The following KIAA1671 variants were observed in gnomAD, a reference collection of about 807,000 sequenced individuals.
KIAA1671 encodes uncharacterized protein KIAA1671.
In KIAA1671, 52 loss-of-function variants were observed where a neutral mutation model predicts 131.2. The observed-to-expected ratio is 0.40, with a 90% CI of 0.32 to 0.50. The LOEUF (loss-of-function observed/expected upper bound fraction) is 0.50, where lower values mean the gene tolerates loss of function less well. Ranked by LOEUF, KIAA1671 falls within the 20% of genes least tolerant of loss-of-function variation. The probability of loss-of-function intolerance (pLI) is 0.73; values close to 1 mark genes in which losing one functional copy is unlikely to be tolerated. For missense variants in KIAA1671, 2,360 were observed against 2,364.2 expected (o/e 1.00, Z 0.04); for synonymous variants, 1,003 against 961.6 (o/e 1.04, Z -0.80).
rs1924280750 is a variant in KIAA1671, at chr22:24,998,790, G to GT, written c.-207-26842dup. 3.3e-5 allele frequency among the ~76,000 whole-genome samples: 5 copies of GT among 149,414 alleles called. No homozygotes were observed. The South Asian group carries it at 8.5e-4, about 25-fold the overall frequency. On this transcript the variant is annotated intron_variant, in intron 1 of 12. Coordinates refer to ENST00000358431, the MANE Select transcript of KIAA1671 (RefSeq NM_001145206.2). ...TCACCTATTGTAAAGTTTAAAAACTGTAAGTGGAACCATCACAAATGAAAC... is the reference window on the plus strand; with the variant it reads ...TCACCTATTGTAAAGTTTAAAAACTGTTAAGTGGAACCATCACAAATGAAAC...
At chr22:24,958,028 C>T (rs1416037074) in intron 1 of KIAA1671, among the ~76,000 whole-genome samples, 1 of 148,646 alleles carries the variant, frequency 6.7e-6, no homozygotes, top group African/African-American at 2.5e-5. Context: ...TTTTTGAGAC[C>T]CTCGACTTTA....
chr22:25,025,274 TA>T (rs1925882449), intron 1 of KIAA1671, among the ~76,000 whole-genome samples: 1 of 152,108 alleles, frequency 6.6e-6, no homozygotes, highest in African/African-American at 2.4e-5. Flanking sequence ...ATCCTGCATT[TA>T]AAAAGTGACA....
chr22:25,124,874 A>T (rs2145934280), intron 6 of KIAA1671, among the ~76,000 whole-genome samples: 1 of 152,206 alleles, frequency 6.6e-6, no homozygotes, highest in Non-Finnish European at 1.5e-5. Flanking sequence ...CTCCCATCTC[A>T]GCCTCCCCAC....
At chr22:24,959,411 T>C (rs1316341022) in intron 1 of KIAA1671, among the ~76,000 whole-genome samples, 1 of 151,894 alleles carries the variant, frequency 6.6e-6, no homozygotes, top group Non-Finnish European at 1.5e-5. Flanking sequence ...TAATCCCAGC[T>C]ATTCAGGAGG....
rs368372327 is a variant in KIAA1671 at position 25,147,918 on chromosome 22, G to A, written c.4531-22902G>A. Among the ~76,000 whole-genome samples the A allele has an allele frequency of 3.0e-4, 46 of 152,092 alleles. 1 individual carries two copies. The Middle Eastern group carries it at 0.014, about 45-fold the overall frequency. On this transcript the variant is annotated intron_variant, in intron 6 of 12. Coordinates refer to ENST00000358431, the MANE Select transcript of KIAA1671 (RefSeq NM_001145206.2). Reference sequence around the variant, plus strand: ...TGAAGACATTGACACTTGGCATCTTGGTACCTTTATATTATCTGGATTCTA... The same window carrying A: ...TGAAGACATTGACACTTGGCATCTTAGTACCTTTATATTATCTGGATTCTA...
intron 6 of KIAA1671, among the ~76,000 whole-genome samples, chr22:25,129,361 G>A (rs1932327572): frequency 6.6e-6 from 1 of 152,014 alleles, no homozygotes; most frequent in Non-Finnish European, 1.5e-5. Context: ...ACAAAAATTA[G>A]CTGGGCATGG....
At chr22:25,171,993 G>C (rs796591489) in intron 7 of KIAA1671, among the ~76,000 whole-genome samples, 5 of 152,266 alleles carry the variant, frequency 3.3e-5, no homozygotes, top group African/African-American at 1.2e-4. Flanking sequence ...GTTGGCAGGA[G>C]GGTGATAGAA....
chr22:24,979,641 G>T (rs961443959), intron 1 of KIAA1671, among the ~76,000 whole-genome samples: 1 of 152,002 alleles, frequency 6.6e-6, no homozygotes, highest in East Asian at 1.9e-4. Flanking sequence ...GAGCCACCGC[G>T]CCCGGCCAAT....
chr22:25,117,928 C>T (rs1232767498), intron 6 of KIAA1671, among the ~76,000 whole-genome samples: 1 of 151,896 alleles, frequency 6.6e-6, no homozygotes, highest in African/African-American at 2.4e-5. Flanking sequence ...CACCTGAGAT[C>T]GGGAGTTCAA....
At chr22:25,189,867 C>T (rs1934611988) in intron 11 of KIAA1671, among the ~76,000 whole-genome samples, 1 of 152,160 alleles carries the variant, frequency 6.6e-6, no homozygotes, top group Non-Finnish European at 1.5e-5. Context: ...CTGCCTCTGC[C>T]TCCCTAAGTG....
chr22:25,036,644 C>T (rs967966300), intron 4 of KIAA1671, among the ~76,000 whole-genome samples: 27 of 151,976 alleles, frequency 1.8e-4, no homozygotes, highest in Non-Finnish European at 3.4e-4. Flanking sequence ...TTTGGCCGGG[C>T]GTGGTGGCTC....
intron 6 of KIAA1671, among the ~76,000 whole-genome samples, chr22:25,113,389 C>T (rs1461604464): frequency 3.9e-5 from 6 of 152,244 alleles, no homozygotes; most frequent in Non-Finnish European, 2.9e-5. Context: ...GAGACTTCTG[C>T]CACCTGACTG....
intron 1 of KIAA1671, among the ~76,000 whole-genome samples, chr22:25,006,399 C>A (rs371239166): frequency 1.3e-5 from 2 of 152,238 alleles, no homozygotes; most frequent in Non-Finnish European, 1.5e-5. Flanking sequence ...GTACCAGGAC[C>A]TACCTCCCAG....
intron 1 of KIAA1671, among the ~76,000 whole-genome samples, chr22:25,006,655 C>T (rs1200434850): frequency 2.0e-5 from 3 of 152,202 alleles, no homozygotes; most frequent in African/African-American, 4.8e-5. Flanking sequence ...AAGCAAATTT[C>T]TTACTTCACA....
In KIAA1671 at chr22:25,029,193, G is replaced by A. The variant is rs1926128917; in HGVS notation, c.1194G>A (p.Lys398=). Residue 398 remains lysine, a synonymous_variant, in exon 3 of 13, where the codon AAG becomes AAA. Transcript: ENST00000358431. The stretch of plus-strand genomic sequence containing the variant: ...CCAAGCTGGACCCAGAGCCAGAGAA[G>A]GCTGCTGAGTCCCCCTCACCCAGGC... ...EKAKLDPEPE[K]AAESPSPRLG... The A allele has an allele frequency of 1.4e-6, 2 of 1,457,194 alleles. No homozygotes were observed. Among genetic ancestry groups the A allele is most frequent in the Non-Finnish European group, 9.1e-7 (1 of 1,101,960 alleles). The allele number at this position is 1,457,194 out of a possible 1,614,324, so 90.3% of individuals were successfully genotyped here. A position where few individuals can be genotyped will look rare whatever the true frequency, so the allele number is the denominator to read the frequency against.
In KIAA1671 at chr22:24,963,864, T is replaced by C. The variant is rs531734526; in HGVS notation, c.-208+11092T>C. ...CTGAGGCAGGAGAATGGTGTGAACC[T>C]GGGAGGCGGAGCTTGCAGTGAGCCA... On this transcript the variant is annotated intron_variant, in intron 1 of 12. Coordinates refer to ENST00000358431, the MANE Select transcript of KIAA1671 (RefSeq NM_001145206.2). Among the ~76,000 whole-genome samples the C allele has an allele frequency of 5.4e-3, 793 of 147,936 alleles. 7 individuals carry two copies. The highest frequency in any genetic ancestry group is 9.2e-3 in the Non-Finnish European group (622 of 67,380).
chr22:25,041,441 A>G lies in KIAA1671; in HGVS notation c.4311A>G (p.Lys1437=). The change falls in exon 5 of 13, where the codon AAA becomes AAG. Residue 1437 remains lysine (K), a synonymous_variant. Coordinates refer to ENST00000358431, the MANE Select transcript of KIAA1671 (RefSeq NM_001145206.2). ...EARERRREQP[K]GRPSLTGENL... is the part of the protein sequence containing the mutation. ...GAGAGAGGAGGCGAGAGCAGCCCAAAGGGAGGCCCAGCCTTACTGGAGAGA... is the reference window on the plus strand; with the variant it reads ...GAGAGAGGAGGCGAGAGCAGCCCAAGGGGAGGCCCAGCCTTACTGGAGAGA... 6.4e-7 allele frequency: 1 copy of G among 1,551,788 alleles called. No homozygotes were observed. Among genetic ancestry groups the G allele is most frequent in the Non-Finnish European group, 8.7e-7 (1 of 1,147,010 alleles).
chr22:24,985,793 A>C (rs903363059), intron 1 of KIAA1671, among the ~76,000 whole-genome samples: 1 of 151,824 alleles, frequency 6.6e-6, no homozygotes, highest in Non-Finnish European at 1.5e-5. Flanking sequence ...AGAGAGAGAG[A>C]GAGAAACAGA....
At chr22:25,114,823 C>G (rs1220852360) in intron 6 of KIAA1671, among the ~76,000 whole-genome samples, 1 of 152,224 alleles carries the variant, frequency 6.6e-6, no homozygotes, top group Non-Finnish European at 1.5e-5. Context: ...TTTAAAGCCA[C>G]AGACAATTAC....
Sources: allele counts gnomAD v4.1 joint callset (sites outside exome capture counted in the v4.1 genomes callset), GRCh38; gene constraint gnomAD v4.1.1; transcripts MANE v1.5; gene names NCBI Gene and HGNC (gene_info 2026-07-23, HGNC 2026-07-21).